MACROD2: variants seen among roughly 807,000 people sequenced by gnomAD.
MACROD2 encodes the protein mono-ADP ribosylhydrolase 2.
In MACROD2, 36 loss-of-function variants were observed where a neutral mutation model predicts 70.4. The observed-to-expected ratio is 0.51, with a 90% CI of 0.39 to 0.68. The LOEUF (loss-of-function observed/expected upper bound fraction) is 0.68. MACROD2 is among the 30% of genes least tolerant of loss of function. MACROD2 has a pLI of 0.00. For missense variants in MACROD2, 496 were observed against 538.4 expected (o/e 0.92, Z 0.78); for synonymous variants, 172 against 178.8 (o/e 0.96, Z 0.30).
At chr20:14,710,936 T>G (rs1473434860) in intron 5 of MACROD2, among the ~76,000 whole-genome samples, 1 of 152,198 alleles carries the variant, frequency 6.6e-6, no homozygotes, top group Non-Finnish European at 1.5e-5. Flanking sequence ...AGAGATCTCA[T>G]TCTTCCTGCT....
chr20:15,158,882 T>C (rs1299359132), intron 5 of MACROD2, among the ~76,000 whole-genome samples: 1 of 152,138 alleles, frequency 6.6e-6, no homozygotes, highest in African/African-American at 2.4e-5. Context: ...GAGTTATGTA[T>C]TGAATACACA....
At chr20:14,751,169 C>T (rs2071864723) in intron 5 of MACROD2, among the ~76,000 whole-genome samples, 1 of 152,152 alleles carries the variant, frequency 6.6e-6, no homozygotes, top group African/African-American at 2.4e-5. Context: ...CTCATGAGCC[C>T]AGCCCTCCTT....
chr20:15,222,945 T>C (rs1055086938), intron 5 of MACROD2, among the ~76,000 whole-genome samples: 1 of 152,234 alleles, frequency 6.6e-6, no homozygotes, highest in African/African-American at 2.4e-5. Flanking sequence ...ATTTACACTT[T>C]TGGAAATGAA....
chr20:14,459,523 T>A (rs998234128), intron 3 of MACROD2, among the ~76,000 whole-genome samples: 1 of 151,864 alleles, frequency 6.6e-6, no homozygotes, highest in Non-Finnish European at 1.5e-5. Context: ...TGTGTATGTA[T>A]GTAGGTAGGT....
intron 5 of MACROD2, among the ~76,000 whole-genome samples, chr20:14,804,761 G>T (rs2072618716): frequency 6.6e-6 from 1 of 152,008 alleles, no homozygotes; most frequent in Admixed American, 6.6e-5. Flanking sequence ...ACTAGTGACT[G>T]TGCCCATGCT....
At chr20:15,493,395 G>C (rs903830195) in intron 7 of MACROD2, among the ~76,000 whole-genome samples, 1 of 152,138 alleles carries the variant, frequency 6.6e-6, no homozygotes, top group African/African-American at 2.4e-5. Context: ...TCCTTGAAAT[G>C]ATTGATTTAA....
At chr20:14,619,523 G>A (rs539409618) in intron 4 of MACROD2, among the ~76,000 whole-genome samples, 104 of 110,858 alleles carry the variant, frequency 9.4e-4, no homozygotes, top group Middle Eastern at 0.011. Flanking sequence ...AAGGAGGGAA[G>A]GAGGGAGGGA....
chr20:15,740,736 G>A (rs1249092304), intron 8 of MACROD2, among the ~76,000 whole-genome samples: 2 of 151,112 alleles, frequency 1.3e-5, no homozygotes, highest in Non-Finnish European at 2.9e-5. Context: ...GCAATGCATG[G>A]TGACACCTTT....
chr20:14,424,054 G>A (rs998432899), intron 3 of MACROD2, among the ~76,000 whole-genome samples: 4 of 151,954 alleles, frequency 2.6e-5, no homozygotes, highest in Admixed American at 1.3e-4. Context: ...GAGCCACCAC[G>A]CCCGGCCTTA....
chr20:15,771,964 A>G (rs1270401040), intron 8 of MACROD2, among the ~76,000 whole-genome samples: 1 of 150,418 alleles, frequency 6.6e-6, no homozygotes. Flanking sequence ...GGGCACCTGT[A>G]GTCCCAGCTA....
intron 5 of MACROD2, among the ~76,000 whole-genome samples, chr20:15,105,198 T>A (rs557216520): frequency 6.6e-5 from 10 of 152,124 alleles, no homozygotes; most frequent in Non-Finnish European, 1.5e-4. Context: ...ATGATGTTTT[T>A]TTTCTCTCCA....
At chr20:14,460,209 A>G (rs2084352182) in intron 3 of MACROD2, among the ~76,000 whole-genome samples, 2 of 152,136 alleles carry the variant, frequency 1.3e-5, no homozygotes, top group African/African-American at 4.8e-5. Context: ...TCTTTATAGT[A>G]GAATGATTTA....
intron 5 of MACROD2, among the ~76,000 whole-genome samples, chr20:15,085,386 T>G (rs369729837): frequency 7.9e-5 from 12 of 152,020 alleles, no homozygotes; most frequent in African/African-American, 2.7e-4. Context: ...AGAAAAAACA[T>G]AGATAAATTG....
rs530265426 is a variant in MACROD2 at position 14,856,849 on chromosome 20, A to T, written c.418+171890A>T. 3.9e-5 allele frequency among the ~76,000 whole-genome samples: 6 copies of T among 152,260 alleles called. No individual in the cohort carries two copies. In the East Asian group the frequency reaches 1.2e-3, roughly 29 times the overall value. On this transcript the variant is annotated intron_variant, in intron 5 of 17. Coordinates refer to ENST00000684519, the MANE Select transcript of MACROD2 (RefSeq NM_001351661.2). ...CATCATCACCACAATTGTATGGATA[A>T]TAATATGTAAATGACCCCACCTCTC...
intron 6 of MACROD2, among the ~76,000 whole-genome samples, chr20:15,297,689 AT>A (rs1445682151): frequency 3.3e-5 from 5 of 152,142 alleles, no homozygotes; most frequent in African/African-American, 4.8e-5. Flanking sequence ...TAAGAGAACA[AT>A]TTCCTACTTT....
intron 3 of MACROD2, among the ~76,000 whole-genome samples, chr20:14,370,022 C>T (rs780648271): frequency 3.3e-5 from 5 of 151,994 alleles, no homozygotes; most frequent in African/African-American, 7.2e-5. Flanking sequence ...CAAATTGTTT[C>T]GTTGAATATT....
intron 5 of MACROD2, among the ~76,000 whole-genome samples, chr20:14,720,976 C>T (rs551888338): frequency 3.3e-5 from 5 of 151,616 alleles, no homozygotes; most frequent in African/African-American, 7.3e-5. Context: ...AGGAGTTGGC[C>T]GGGCATGGTG....
At chr20:14,513,790 A>T (rs931940324) in intron 4 of MACROD2, among the ~76,000 whole-genome samples, 1 of 152,074 alleles carries the variant, frequency 6.6e-6, no homozygotes, top group Non-Finnish European at 1.5e-5. Flanking sequence ...TATATTGTGC[A>T]TCTCAAATAA....
At chr20:15,518,195 A>T (rs1343462180) in intron 8 of MACROD2, among the ~76,000 whole-genome samples, 2 of 152,234 alleles carry the variant, frequency 1.3e-5, no homozygotes, top group South Asian at 4.1e-4. Context: ...CTGACATTTA[A>T]TAGCTGAGAT....
Sources: gnomAD v4.1 joint callset for allele counts (sites outside exome capture counted in the v4.1 genomes callset) on GRCh38, gnomAD v4.1.1 for gene constraint, MANE v1.5 for transcripts, NCBI Gene and HGNC (gene_info 2026-07-23, HGNC 2026-07-21) for gene names.